HECW2: variants seen among roughly 807,000 people sequenced by gnomAD.
HECW2 encodes the protein HECT, C2 and WW domain containing E3 ubiquitin protein ligase 2, also known as E3 ubiquitin-protein ligase HECW2.
In HECW2, 61 loss-of-function variants were observed where a neutral mutation model predicts 175.2. The ratio of observed to expected loss-of-function variants is 0.35; its 90% CI spans 0.28 to 0.43. HECW2 has a LOEUF of 0.43. Ranked by LOEUF, HECW2 falls within the 20% of genes least tolerant of loss-of-function variation. The probability of loss-of-function intolerance (pLI) is 1.00; values close to 1 mark genes in which losing one functional copy is unlikely to be tolerated. For synonymous variants in HECW2, 671 were observed against 731.0 expected (o/e 0.92, Z 1.32); for missense variants, 1,524 against 2,000.5 (o/e 0.76, Z 4.54).
intron 1 of HECW2, among the ~76,000 whole-genome samples, chr2:196,509,019 G>A (rs144815490): frequency 2.1e-4 from 32 of 152,304 alleles, no homozygotes; most frequent in African/African-American, 6.7e-4. Flanking sequence ...AGTGAGCTGA[G>A]ATTGCACCAC....
chr2:196,281,138 A>G (rs1559007776), intron 14 of HECW2, among the ~76,000 whole-genome samples: 1 of 152,216 alleles, frequency 6.6e-6, no homozygotes, highest in Non-Finnish European at 1.5e-5. Context: ...TGATGTTAAG[A>G]GGCTTGTCTA....
chr2:196,504,493 T>C (rs1451995706), intron 1 of HECW2, among the ~76,000 whole-genome samples: 2 of 152,050 alleles, frequency 1.3e-5, no homozygotes, highest in Admixed American at 6.6e-5. Context: ...CTGCCTCACA[T>C]GATCATCATA....
chr2:196,255,092 C>A (rs141263142), intron 18 of HECW2, among the ~76,000 whole-genome samples: 1 of 150,364 alleles, frequency 6.7e-6, no homozygotes, highest in Non-Finnish European at 1.5e-5. Flanking sequence ...CCTGCCTCAG[C>A]CTCTTGAGTA....
intron 2 of HECW2, among the ~76,000 whole-genome samples, chr2:196,409,911 C>G (rs1575512839): frequency 6.6e-6 from 1 of 152,244 alleles, no homozygotes; most frequent in East Asian, 1.9e-4. Context: ...TGCGTATTAC[C>G]CACAAAACCT....
At chr2:196,220,222 A>C in intron 25 of HECW2, 69 bp from the exon 26 acceptor site, 1 of 996,474 alleles carries the variant, frequency 1.0e-6, no homozygotes, top group Non-Finnish European at 1.6e-6. Context: ...ATTAAGCCTT[A>C]GAAAAGGGGA....
At chr2:196,438,647 G>A (rs895247816) in intron 1 of HECW2, among the ~76,000 whole-genome samples, 11 of 152,190 alleles carry the variant, frequency 7.2e-5, no homozygotes, top group African/African-American at 2.7e-4. Context: ...ACAATAATGT[G>A]CTAATAACCA....
chr2:196,345,864 G>A (rs768293316), intron 2 of HECW2, among the ~76,000 whole-genome samples: 1 of 152,206 alleles, frequency 6.6e-6, no homozygotes, highest in African/African-American at 2.4e-5. Flanking sequence ...CTGCTTGGAT[G>A]CTGGGAGAAG....
At chr2:196,548,767 T>G (rs1043575243) in intron 1 of HECW2, among the ~76,000 whole-genome samples, 1 of 152,178 alleles carries the variant, frequency 6.6e-6, no homozygotes, top group Non-Finnish European at 1.5e-5. Context: ...TTGGCAGGGT[T>G]GGTTCCTTCT....
At chr2:196,361,331 T>C (rs938920595) in intron 2 of HECW2, among the ~76,000 whole-genome samples, 2 of 152,232 alleles carry the variant, frequency 1.3e-5, no homozygotes, top group African/African-American at 4.8e-5. Flanking sequence ...TGGATGTCTA[T>C]GAATACTTGT....
At chr2:196,549,494 C>A (rs1438073511) in intron 1 of HECW2, among the ~76,000 whole-genome samples, 1 of 151,992 alleles carries the variant, frequency 6.6e-6, no homozygotes, top group Admixed American at 6.6e-5. Context: ...AAGATTCATC[C>A]ATGTAATTAC....
intron 6 of HECW2, among the ~76,000 whole-genome samples, chr2:196,323,420 G>T (rs946825072): frequency 1.1e-4 from 17 of 152,270 alleles, no homozygotes; most frequent in Admixed American, 3.3e-4. Context: ...ATGGTGCCAG[G>T]AATCTAACCT....
intron 2 of HECW2, among the ~76,000 whole-genome samples, chr2:196,426,639 T>C (rs540733717): frequency 6.6e-6 from 1 of 152,034 alleles, no homozygotes; most frequent in East Asian, 1.9e-4. Flanking sequence ...CTGCAAAAAA[T>C]CAAGAAGGTG....
intron 1 of HECW2, among the ~76,000 whole-genome samples, chr2:196,561,733 C>T (rs1168425034): frequency 6.6e-6 from 1 of 152,136 alleles, no homozygotes; most frequent in African/African-American, 2.4e-5. Context: ...CATACAATGA[C>T]TTCTTAGTTA....
chr2:196,336,641 A>T (rs1353532359), intron 3 of HECW2, among the ~76,000 whole-genome samples: 1 of 152,000 alleles, frequency 6.6e-6, no homozygotes, highest in East Asian at 1.9e-4. Context: ...ACAATGAGAT[A>T]AAAAAAATGT....
At chr2:196,405,990 C>T (rs1694957069) in intron 2 of HECW2, among the ~76,000 whole-genome samples, 1 of 152,142 alleles carries the variant, frequency 6.6e-6, no homozygotes, top group African/African-American at 2.4e-5. Context: ...CTAGTAGCTT[C>T]CAGGACACCT....
chr2:196,366,859 T>C lies in HECW2; in HGVS notation c.293-23095A>G, dbSNP rs145995069. 5.4e-3 allele frequency among the ~76,000 whole-genome samples: 815 copies of C among 152,310 alleles called. 8 individuals carry two copies. Among genetic ancestry groups the C allele is most frequent in the Middle Eastern group, 0.02 (6 of 294 alleles). On this transcript the variant is annotated intron_variant, in intron 2 of 28. Transcript: ENST00000644978. ...CAGTTAATGGGTTCTTCAGCTATGT[T>C]ATTTTTCATTCCAAATTAAATTATA...
chr2:196,303,700 T>A (rs1691154676), intron 13 of HECW2, among the ~76,000 whole-genome samples: 1 of 152,174 alleles, frequency 6.6e-6, no homozygotes, highest in Admixed American at 6.5e-5. Context: ...TACATAGAGG[T>A]GTTTATAGTA....
chr2:196,359,893 A>G (rs545175977), intron 2 of HECW2, among the ~76,000 whole-genome samples: 1 of 152,266 alleles, frequency 6.6e-6, no homozygotes, highest in African/African-American at 2.4e-5. Flanking sequence ...GCTTGACGCT[A>G]TGAGTTAGAG....
Position 196,418,850 on chromosome 2 carries a change from T to A in HECW2, c.292+14282A>T, listed in dbSNP as rs191175697. On this transcript the variant is annotated intron_variant, in intron 2 of 28. Coordinates refer to ENST00000644978, the MANE Select transcript of HECW2 (RefSeq NM_001348768.2). The stretch of plus-strand genomic sequence containing the variant: ...CTGAATATAGAGGATATTTAAAAAA[T>A]TTTTTCAGAAGCCTGGTACATTGTA... Among the ~76,000 whole-genome samples the A allele has an allele frequency of 5.3e-3, 804 of 152,248 alleles. 7 individuals are homozygous for A. Among genetic ancestry groups the A allele is most frequent in the Middle Eastern group, 0.024 (7 of 294 alleles).
Sources: gnomAD v4.1 joint callset for allele counts (sites outside exome capture counted in the v4.1 genomes callset) on GRCh38, gnomAD v4.1.1 for gene constraint, MANE v1.5 for transcripts, NCBI Gene and HGNC (gene_info 2026-07-23, HGNC 2026-07-21) for gene names.